Variants in PCDHAC1 observed in about 807,000 individuals in gnomAD.
The protein encoded by PCDHAC1 is protocadherin alpha-C1.
Under a neutral mutation model 60.0 loss-of-function variants are expected in PCDHAC1, and 42 were observed. That is an observed-to-expected ratio of 0.70 (90% CI 0.55 to 0.90). The LOEUF (loss-of-function observed/expected upper bound fraction) is 0.90, where lower values mean the gene tolerates loss of function less well. PCDHAC1 is among the 40% of genes least tolerant of loss of function. The pLI is 0.00. For synonymous variants in PCDHAC1, 468 were observed against 499.3 expected (o/e 0.94, Z 0.84); for missense variants, 1,160 against 1,222.3 (o/e 0.95, Z 0.76).
intron 1 of PCDHAC1, among the ~76,000 whole-genome samples, chr5:140,961,917 T>G (rs2095643057): frequency 6.6e-6 from 1 of 151,470 alleles, no homozygotes; most frequent in Non-Finnish European, 1.5e-5. Flanking sequence ...GGAGTCTCGC[T>G]CTGTTGCCCA....
At chr5:140,952,746 T>C (rs1554220596) in intron 1 of PCDHAC1, among the ~76,000 whole-genome samples, 1 of 152,190 alleles carries the variant, frequency 6.6e-6, no homozygotes, top group Non-Finnish European at 1.5e-5. Context: ...CACACTGCTA[T>C]AAAAACACCT....
At chr5:140,984,975 T>A (rs571343368) in intron 3 of PCDHAC1, among the ~76,000 whole-genome samples, 1 of 152,128 alleles carries the variant, frequency 6.6e-6, no homozygotes, top group Admixed American at 6.5e-5. Flanking sequence ...TCTCGCTCTG[T>A]CCCCCAGGCT....
Position 140,978,996 on chromosome 5 carries a change from A to T in PCDHAC1, c.2481A>T (p.Ala827=), listed in dbSNP as rs2096831053. The change falls in exon 2 of 4, where the codon GCA becomes GCT. Residue 827 remains alanine, a synonymous_variant. Coordinates refer to ENST00000253807, the MANE Select transcript of PCDHAC1 (RefSeq NM_018898.5). ...GGCGTTACTCTGCCTCCCTGAGAGC[A>T]GGCATGCACAGGTATGTATTTCCCT... ...PDWRYSASLR[A]GMHSSVHLEE... 1 of 1,614,186 alleles carries T rather than the reference A, an allele frequency of 6.2e-7. No individual in the cohort carries two copies.
At chr5:140,929,972 G>A (rs2086500191) in intron 1 of PCDHAC1, 1 of 152,084 alleles carries the variant, frequency 6.6e-6, no homozygotes, top group South Asian at 2.1e-4. Flanking sequence ...TTTTGGTGAA[G>A]GTGTCTTCTT....
intron 3 of PCDHAC1, 149 bp downstream of exon 3, chr5:140,982,712 T>C: frequency 7.3e-7 from 1 of 1,373,964 alleles, no homozygotes; most frequent in Non-Finnish European, 9.6e-7. Context: ...TCCTTACATA[T>C]ATGATTATTT....
At chr5:140,993,198 A>C (rs1554253472) in intron 3 of PCDHAC1, among the ~76,000 whole-genome samples, 1 of 151,946 alleles carries the variant, frequency 6.6e-6, no homozygotes, top group African/African-American at 2.4e-5. Context: ...AACTCACTAA[A>C]GCTAATTTTT....
intron 1 of PCDHAC1, among the ~76,000 whole-genome samples, chr5:140,971,090 T>G (rs1554233007): frequency 1.3e-5 from 2 of 152,204 alleles, no homozygotes. Context: ...TAACAAATTC[T>G]TGTGAAGCCC....
At chr5:140,951,986 C>A (rs2094668313) in intron 1 of PCDHAC1, among the ~76,000 whole-genome samples, 2 of 152,166 alleles carry the variant, frequency 1.3e-5, no homozygotes, top group African/African-American at 4.8e-5. Flanking sequence ...AAGGGAAAAA[C>A]CAGCCAAAAG....
At chr5:140,987,395 G>A (rs1438598842) in intron 3 of PCDHAC1, among the ~76,000 whole-genome samples, 1 of 152,166 alleles carries the variant, frequency 6.6e-6, no homozygotes, top group East Asian at 1.9e-4. Flanking sequence ...ATGCAAGGAA[G>A]CCATCTGTTT....
At chr5:140,972,854 G>C (rs895738831) in intron 1 of PCDHAC1, among the ~76,000 whole-genome samples, 1 of 151,946 alleles carries the variant, frequency 6.6e-6, no homozygotes, top group African/African-American at 2.4e-5. Context: ...AGTAGAGATG[G>C]GGTTTCATCA....
At chr5:141,007,000 G>A (rs2098298646) in intron 3 of PCDHAC1, among the ~76,000 whole-genome samples, 1 of 152,128 alleles carries the variant, frequency 6.6e-6, no homozygotes, top group South Asian at 2.1e-4. Flanking sequence ...ATATAAGTCT[G>A]CATCTCATCA....
intron 3 of PCDHAC1, among the ~76,000 whole-genome samples, chr5:140,995,409 A>G (rs1056120944): frequency 2.6e-4 from 39 of 152,210 alleles, no homozygotes; most frequent in Admixed American, 6.5e-5. Flanking sequence ...TCGAGATTTC[A>G]TCACATTACT....
chr5:140,988,021 T>C (rs2097278466), intron 3 of PCDHAC1, among the ~76,000 whole-genome samples: 1 of 152,216 alleles, frequency 6.6e-6, no homozygotes. Context: ...AGCATGATTC[T>C]TAAGTTTTTT....
At position 140,971,319 on chromosome 5, in the gene PCDHAC1, A is replaced by C. The variant is rs568701560; in HGVS notation, c.2434-7630A>C. ...TGGTACACAAACATTTAATCTAGGG[A>C]GAAAATTATTTCAGAAAGTGCTTGC... is the stretch of plus-strand genomic sequence containing the variant. On this transcript the variant is annotated intron_variant, in intron 1 of 3. Transcript: ENST00000253807. Among the ~76,000 whole-genome samples the C allele has an allele frequency of 2.1e-4, 32 of 152,346 alleles. 1 individual carries two copies. Among genetic ancestry groups the C allele is most frequent in the Admixed American group, 2.0e-3 (31 of 15,306 alleles).
intron 3 of PCDHAC1, among the ~76,000 whole-genome samples, chr5:140,984,079 G>A (rs1554245959): frequency 2.0e-5 from 3 of 152,244 alleles, no homozygotes; most frequent in Admixed American, 2.0e-4. Context: ...CAACGATGGA[G>A]TGAAGAAATG....
At chr5:140,994,726 G>A (rs774837274) in intron 3 of PCDHAC1, among the ~76,000 whole-genome samples, 1 of 151,958 alleles carries the variant, frequency 6.6e-6, no homozygotes, top group Non-Finnish European at 1.5e-5. Flanking sequence ...TAAAATACTG[G>A]GTATTGCAGG....
Position 140,980,554 on chromosome 5 carries a change from C to T in PCDHAC1, c.2492+1547C>T, listed in dbSNP as rs1283128844. Among the ~76,000 whole-genome samples, 9 of 152,008 alleles carry T rather than the reference C, an allele frequency of 5.9e-5. No individual in the cohort carries two copies. The South Asian group carries it at 1.5e-3, about 25-fold the overall frequency. On this transcript the variant is annotated intron_variant, in intron 2 of 3. Transcript: ENST00000253807. ...CTGAGGCAGGAGAATCGCTTGAACC[C>T]GGGAGGCGGAAGTTGCAGTGAGCCA...
At chr5:140,950,127 GAC>G (rs1554219301) in intron 1 of PCDHAC1, among the ~76,000 whole-genome samples, 2 of 151,794 alleles carry the variant, frequency 1.3e-5, no homozygotes, top group Non-Finnish European at 2.9e-5. Context: ...AAACCCACAA[GAC>G]ACAGTTATAA....
intron 1 of PCDHAC1, chr5:140,966,708 C>G (rs1033433543): frequency 7.2e-7 from 1 of 1,384,746 alleles, no homozygotes; most frequent in Non-Finnish European, 9.3e-7. Context: ...GCGTGGGGCA[C>G]GGCTGGGGAA....
Sources: gnomAD v4.1 joint callset for allele counts (sites outside exome capture counted in the v4.1 genomes callset) on GRCh38, gnomAD v4.1.1 for gene constraint, MANE v1.5 for transcripts, NCBI Gene and HGNC (gene_info 2026-07-23, HGNC 2026-07-21) for gene names.